Variants in CTDSPL2 observed in about 807,000 individuals in gnomAD.
The protein encoded by CTDSPL2 is CTD small phosphatase like 2, also known as CTD small phosphatase-like protein 2.
CTDSPL2 carries 5 observed loss-of-function variants against 60.0 expected under a neutral mutation model. That is an observed-to-expected ratio of 0.08 (90% CI 0.04 to 0.18). The LOEUF is 0.18. Among genes scored for constraint, CTDSPL2 ranks in the 10% least tolerant of loss-of-function variants. The pLI is 1.00. For missense variants in CTDSPL2, 370 were observed against 548.8 expected, an observed-to-expected ratio of 0.67 and a Z score of 3.26; for synonymous variants, 186 against 189.3, an observed-to-expected ratio of 0.98 and a Z score of 0.14.
intron 8 of CTDSPL2, among the ~76,000 whole-genome samples, chr15:44,504,174 C>T (rs1305942194): frequency 2.0e-5 from 3 of 152,082 alleles, no homozygotes; most frequent in Non-Finnish European, 4.4e-5. Context: ...ATGGCAAAAC[C>T]CTATCTCCAC....
intron 1 of CTDSPL2, among the ~76,000 whole-genome samples, chr15:44,454,605 A>T (rs1009142539): frequency 1.3e-5 from 2 of 152,194 alleles, no homozygotes; most frequent in African/African-American, 4.8e-5. Flanking sequence ...ATTTTAGTGT[A>T]AGGTGTAAGC....
chr15:44,428,000 T>C (rs1353557322), intron 1 of CTDSPL2: 1 of 278,498 alleles, frequency 3.6e-6, no homozygotes, highest in African/African-American at 2.2e-5. Flanking sequence ...CAGCTTCACC[T>C]CTTAGGTTGC....
At chr15:44,521,232 CTTTG>C (rs888724452) in intron 11 of CTDSPL2, 75 bp from the exon 12 acceptor site, 97 of 687,248 alleles carry the variant, frequency 1.4e-4, no homozygotes, top group African/African-American at 9.5e-4. Flanking sequence ...CTTAATAAAT[CTTTG>C]TTTATTTTTT....
intron 1 of CTDSPL2, among the ~76,000 whole-genome samples, chr15:44,451,934 C>T (rs2080342080): frequency 6.6e-6 from 1 of 152,180 alleles, no homozygotes; most frequent in Non-Finnish European, 1.5e-5. Context: ...AGCCCAAACA[C>T]CTTGAACACA....
chr15:44,446,628 T>TCAAA lies in CTDSPL2; in HGVS notation c.-24-12359_-24-12356dup, dbSNP rs1304710454. Among the ~76,000 whole-genome samples, 31 of 147,118 alleles carry TCAAA rather than the reference T, an allele frequency of 2.1e-4. No individual in the cohort carries two copies. The East Asian group carries it at 3.7e-3, about 18-fold the overall frequency. ...CTGGGTGACAGAGCAAGGCTCTATC[T>TCAAA]CAAACAATCAAACAAACAAACAAAC... On this transcript the variant is annotated intron_variant, in intron 1 of 12. Transcript: ENST00000260327.
At chr15:44,460,754 A>G (rs1223430983) in intron 2 of CTDSPL2, among the ~76,000 whole-genome samples, 1 of 152,068 alleles carries the variant, frequency 6.6e-6, no homozygotes, top group Non-Finnish European at 1.5e-5. Context: ...GTTAATTTTC[A>G]GTAATTAGAA....
intron 1 of CTDSPL2, among the ~76,000 whole-genome samples, chr15:44,457,880 G>C (rs1374847353): frequency 6.6e-6 from 1 of 152,180 alleles, no homozygotes; most frequent in Non-Finnish European, 1.5e-5. Context: ...CCAAAGTGCT[G>C]GGATTACAGG....
At chr15:44,441,684 C>T (rs1337153185) in intron 1 of CTDSPL2, among the ~76,000 whole-genome samples, 1 of 151,910 alleles carries the variant, frequency 6.6e-6, no homozygotes, top group African/African-American at 2.4e-5. Context: ...TTGAGGTTTC[C>T]TGGTTGCCTG....
intron 1 of CTDSPL2, among the ~76,000 whole-genome samples, chr15:44,446,504 C>G (rs893384536): frequency 2.6e-5 from 4 of 151,972 alleles, no homozygotes; most frequent in Admixed American, 2.0e-4. Flanking sequence ...GTGGCATGCG[C>G]CTGTAATCCC....
intron 4 of CTDSPL2, among the ~76,000 whole-genome samples, chr15:44,488,898 G>T (rs2081167847): frequency 6.6e-6 from 1 of 152,170 alleles, no homozygotes; most frequent in Non-Finnish European, 1.5e-5. Flanking sequence ...ATCTCTGAAG[G>T]TGTGTATATC....
intron 2 of CTDSPL2, among the ~76,000 whole-genome samples, chr15:44,468,446 T>A (rs1169614485): frequency 6.6e-6 from 1 of 152,198 alleles, no homozygotes; most frequent in Non-Finnish European, 1.5e-5. Context: ...ATCAATTTCA[T>A]TATTCGTTCA....
chr15:44,457,904 G>C (rs754508534), intron 1 of CTDSPL2, among the ~76,000 whole-genome samples: 1 of 152,152 alleles, frequency 6.6e-6, no homozygotes, highest in African/African-American at 2.4e-5. Context: ...GAGCCACTGC[G>C]TGCCCAGCCT....
Position 44,526,352 on chromosome 15 carries a change from T to A in CTDSPL2, c.*2178T>A, listed in dbSNP as rs572346858. ...TTCTCAAAAGGGCTTTCCCATAATC[T>A]AAAGGGAAATGTAAGCACCTATACT... On this transcript the variant is annotated 3_prime_UTR_variant, in exon 13 of 13. Transcript: ENST00000260327. 1 of 152,244 alleles carries A rather than the reference T, an allele frequency of 6.6e-6. No homozygotes were observed. Among genetic ancestry groups the A allele is most frequent in the South Asian group, 2.1e-4 (1 of 4,828 alleles). 9.4% of individuals were successfully genotyped at this position (152,244 alleles called of 1,614,324 possible).
At chr15:44,488,781 T>G in intron 4 of CTDSPL2, among the ~76,000 whole-genome samples, 1 of 152,054 alleles carries the variant, frequency 6.6e-6, no homozygotes, top group South Asian at 2.1e-4. Context: ...ATCGCACCAT[T>G]GCACTCCAGC....
At chr15:44,491,561 G>T (rs1202641665) in intron 5 of CTDSPL2, among the ~76,000 whole-genome samples, 1 of 152,190 alleles carries the variant, frequency 6.6e-6, no homozygotes, top group Non-Finnish European at 1.5e-5. Flanking sequence ...GAGTACTGTG[G>T]TGGATAGACA....
At chr15:44,488,539 C>T (rs1372458045) in intron 4 of CTDSPL2, among the ~76,000 whole-genome samples, 7 of 152,088 alleles carry the variant, frequency 4.6e-5, no homozygotes, top group Non-Finnish European at 1.0e-4. Context: ...AGGCTGGGCG[C>T]GGTGGCTCAA....
chr15:44,476,392 A>G (rs2080916501), intron 2 of CTDSPL2, among the ~76,000 whole-genome samples: 1 of 152,102 alleles, frequency 6.6e-6, no homozygotes, highest in African/African-American at 2.4e-5. Context: ...AATATTACTA[A>G]ATTCTGAAAT....
At chr15:44,469,293 T>C (rs2080758410) in intron 2 of CTDSPL2, among the ~76,000 whole-genome samples, 1 of 152,226 alleles carries the variant, frequency 6.6e-6, no homozygotes, top group Non-Finnish European at 1.5e-5. Flanking sequence ...ATTGTTCTTT[T>C]GATGTATTTA....
rs1322614697 is a variant in CTDSPL2, at chr15:44,528,666, A to G, written c.*4492A>G. On this transcript the variant is annotated 3_prime_UTR_variant, in exon 13 of 13. Transcript: ENST00000260327. Reference sequence around the variant, plus strand: ...GGACTTGGAATAGTTGACCATATACATAGCTAAAGGACATGTCCCTGAATG... The same window carrying G: ...GGACTTGGAATAGTTGACCATATACGTAGCTAAAGGACATGTCCCTGAATG... 4 of 152,154 alleles carry G rather than the reference A, an allele frequency of 2.6e-5. No individual in the cohort carries two copies. Among genetic ancestry groups the G allele is most frequent in the Non-Finnish European group, 5.9e-5 (4 of 68,020 alleles). 9.4% of individuals were successfully genotyped at this position (152,154 alleles called of 1,614,324 possible). A position where few individuals can be genotyped will look rare whatever the true frequency, so the allele number is the denominator to read the frequency against.
Sources: allele counts gnomAD v4.1 joint callset (sites outside exome capture counted in the v4.1 genomes callset), GRCh38; gene constraint gnomAD v4.1.1; transcripts MANE v1.5; gene names NCBI Gene and HGNC (gene_info 2026-07-23, HGNC 2026-07-21).